The following RAD18 variants were observed in gnomAD, a reference collection of about 807,000 sequenced individuals.
The protein encoded by RAD18 is RAD18 E3 ubiquitin protein ligase.
In RAD18, 47 loss-of-function variants were observed where a neutral mutation model predicts 60.4. The ratio of observed to expected loss-of-function variants is 0.78; its 90% CI spans 0.62 to 0.99. The LOEUF is 0.99. RAD18 is among the 50% of genes least tolerant of loss of function. RAD18 has a pLI of 0.00. For missense variants in RAD18, 640 were observed against 593.3 expected (o/e 1.08, Z -0.82); for synonymous variants, 225 against 195.5 (o/e 1.15, Z -1.26).
intron 2 of RAD18, among the ~76,000 whole-genome samples, chr3:8,956,461 TAGAAC>T (rs1332448527): frequency 6.6e-6 from 1 of 152,170 alleles, no homozygotes; most frequent in Non-Finnish European, 1.5e-5. Flanking sequence ...GTGCTTTACT[TAGAAC>T]AGAGTGCAAT....
intron 7 of RAD18, among the ~76,000 whole-genome samples, chr3:8,916,823 A>C (rs1296524781): frequency 1.3e-5 from 2 of 152,154 alleles, no homozygotes; most frequent in Non-Finnish European, 2.9e-5. Context: ...AAGAAAAAAA[A>C]TTGTAACAGA....
chr3:8,906,795 T>TG (rs1553625088), intron 9 of RAD18, among the ~76,000 whole-genome samples: 1 of 10,186 alleles, frequency 9.8e-5, no homozygotes, highest in Non-Finnish European at 4.9e-4. Context: ...GGGGAAACAG[T>TG]TTTTTTTTTT....
intron 1 of RAD18, among the ~76,000 whole-genome samples, chr3:8,961,786 C>T (rs1013925180): frequency 1.3e-5 from 2 of 152,188 alleles, no homozygotes; most frequent in African/African-American, 4.8e-5. Flanking sequence ...CCAAACTCTA[C>T]ATTCAGTGCT....
chr3:8,927,092 CA>C (rs1447430668), intron 7 of RAD18, among the ~76,000 whole-genome samples: 1 of 152,106 alleles, frequency 6.6e-6, no homozygotes, highest in Non-Finnish European at 1.5e-5. Flanking sequence ...TTCTGCACAG[CA>C]AAAGAAACTA....
At chr3:8,927,782 CCAT>C (rs1427080592) in intron 7 of RAD18, among the ~76,000 whole-genome samples, 1 of 151,932 alleles carries the variant, frequency 6.6e-6, no homozygotes, top group Non-Finnish European at 1.5e-5. Context: ...AAGCTGGAAA[CCAT>C]CATTCTCAGC....
chr3:8,899,472 C>G (rs990922517), intron 10 of RAD18, among the ~76,000 whole-genome samples: 2 of 152,150 alleles, frequency 1.3e-5, no homozygotes, highest in Admixed American at 6.5e-5. Context: ...GATAGTGAAT[C>G]TATCTGGACA....
intron 7 of RAD18, among the ~76,000 whole-genome samples, chr3:8,915,463 G>C (rs1026712103): frequency 6.6e-6 from 1 of 152,096 alleles, no homozygotes; most frequent in Non-Finnish European, 1.5e-5. Flanking sequence ...CTATCTCTGG[G>C]TAAGATCTCA....
At chr3:8,939,716 A>T in intron 5 of RAD18, 63 bp from the exon 6 acceptor site, 1 of 1,345,112 alleles carries the variant, frequency 7.4e-7, no homozygotes, top group South Asian at 1.3e-5. Context: ...AAGTATGTAA[A>T]CTGGCATCTT....
chr3:8,889,568 G>A (rs45500795), intron 12 of RAD18, among the ~76,000 whole-genome samples: 328 of 152,244 alleles, frequency 2.2e-3, no homozygotes, highest in African/African-American at 7.6e-3. Context: ...TGCTGAGTAG[G>A]GGTGTAAACT....
At chr3:8,882,772 G>C (rs569135481) in intron 12 of RAD18, among the ~76,000 whole-genome samples, 1 of 152,206 alleles carries the variant, frequency 6.6e-6, no homozygotes, top group African/African-American at 2.4e-5. Context: ...GTAACTTGAA[G>C]TGGATGCACT....
intron 2 of RAD18, among the ~76,000 whole-genome samples, chr3:8,955,815 C>G (rs1354844284): frequency 6.6e-6 from 1 of 152,206 alleles, no homozygotes; most frequent in Non-Finnish European, 1.5e-5. Flanking sequence ...CCCCTAGAAT[C>G]TGCAGTCAAG....
At chr3:8,920,135 A>G (rs558335430) in intron 7 of RAD18, among the ~76,000 whole-genome samples, 22 of 152,214 alleles carry the variant, frequency 1.4e-4, no homozygotes, top group African/African-American at 4.3e-4. Context: ...ACAAAACATT[A>G]GCCAGGCATG....
chr3:8,946,776 CAT>C (rs1181776768), intron 4 of RAD18, among the ~76,000 whole-genome samples: 1 of 152,092 alleles, frequency 6.6e-6, no homozygotes, highest in African/African-American at 2.4e-5. Context: ...TTAGTACATA[CAT>C]ATATATAACA....
At chr3:8,955,418 G>C (rs9831598) in intron 2 of RAD18, among the ~76,000 whole-genome samples, 11,116 of 152,240 alleles carry the variant, frequency 0.073, 800 homozygotes, top group African/African-American at 0.18. Context: ...ATAAAAAAAA[G>C]CTGGGTTGCT....
chr3:8,909,748 G>T (rs1050731974), intron 9 of RAD18, among the ~76,000 whole-genome samples: 2 of 152,164 alleles, frequency 1.3e-5, no homozygotes, highest in Non-Finnish European at 2.9e-5. Flanking sequence ...TATACCAGGG[G>T]TGTCCAATCT....
intron 1 of RAD18, 40 bp from the exon 2 acceptor site, chr3:8,959,041 T>A (rs778384618): frequency 4.6e-6 from 7 of 1,537,242 alleles, no homozygotes; most frequent in Non-Finnish European, 5.4e-6. Flanking sequence ...CAGAAAGACA[T>A]CAAAATTGGA....
chr3:8,927,296 G>A (rs1393924105), intron 7 of RAD18, among the ~76,000 whole-genome samples: 3 of 152,082 alleles, frequency 2.0e-5, no homozygotes, highest in Non-Finnish European at 4.4e-5. Context: ...GCAGCCAAAA[G>A]ACACATGAAA....
intron 4 of RAD18, among the ~76,000 whole-genome samples, chr3:8,946,693 T>A (rs554402943): frequency 2.6e-5 from 4 of 152,350 alleles, no homozygotes; most frequent in African/African-American, 7.2e-5. Flanking sequence ...ACATGCTGAA[T>A]AAATCCGATT....
chr3:8,914,989 A>AT (rs68141742), intron 7 of RAD18, among the ~76,000 whole-genome samples: 3 of 19,028 alleles, frequency 1.6e-4, no homozygotes, highest in African/African-American at 3.8e-4. Context: ...ATAAAAAAAA[A>AT]TTTTTTAAAA....
Sources: allele counts gnomAD v4.1 joint callset (sites outside exome capture counted in the v4.1 genomes callset), GRCh38; gene constraint gnomAD v4.1.1; transcripts MANE v1.5; gene names NCBI Gene and HGNC (gene_info 2026-07-23, HGNC 2026-07-21).